The following EVX2 variants were observed in gnomAD, a reference collection of about 807,000 sequenced individuals.
The protein encoded by EVX2 is homeobox even-skipped homolog protein 2.
EVX2 carries 10 observed loss-of-function variants against 19.2 expected under a neutral mutation model. That is an observed-to-expected ratio of 0.52 (90% CI 0.32 to 0.89). EVX2 has a LOEUF of 0.89. Ranked by LOEUF, EVX2 falls within the 40% of genes least tolerant of loss-of-function variation. The pLI, the probability that EVX2 is intolerant of heterozygous loss-of-function variation, is 0.03. For synonymous variants in EVX2, 354 were observed against 328.4 expected (o/e 1.08, Z -0.84); for missense variants, 710 against 694.9 (o/e 1.02, Z -0.24).
Position 176,080,123 on chromosome 2 carries a change from G to A in EVX2, c.1415C>T (p.Ala472Val), listed in dbSNP as rs1183902169. 1 of 1,547,592 alleles carries A rather than the reference G, an allele frequency of 6.5e-7. No individual in the cohort carries two copies. The highest frequency in any genetic ancestry group is 1.9e-5 in the Admixed American group (1 of 52,676). The change falls in exon 3 of 3, where the codon GCT becomes GTT. Residue 472 changes from alanine to valine, a missense_variant. By Grantham distance (64) the Ala-to-Val change is moderately conservative. Coordinates refer to ENST00000308618, the MANE Select transcript of EVX2 (RefSeq NM_001080458.2). This position sits in a 1 kb window ranked among gnomAD's most constrained non-coding sequence, Gnocchi z 7.0. ...GCGACGTAGTTATCTGGTGAGCGGA[G>A]CCTCGTCCCTCTGGTCCGGCGGGCT... ...AVSPPDQRDE[A>V]PLTR is the part of the protein sequence containing the mutation.
chr2:176,080,244 C>A lies in EVX2; in HGVS notation c.1294G>T (p.Gly432Trp), dbSNP rs764652763. Residue 432 changes from glycine (G) to tryptophan (W), a missense_variant, in exon 3 of 3, where the codon GGG becomes TGG. Physicochemically the swap from Gly to Trp is radical, Grantham distance 184. Coordinates refer to ENST00000308618, the MANE Select transcript of EVX2 (RefSeq NM_001080458.2). This position sits in a 1 kb window ranked among gnomAD's most constrained non-coding sequence, Gnocchi z 7.0. ...GGGGGGGAGA[G>W]GGSDFGCSAA... ...CTGCAGCCGAAGTCCGAGCCTCCCC[C>A]GGCCCCGGCGCCCCCGCCGCCGCCG... 2 of 1,358,516 alleles carry A rather than the reference C, an allele frequency of 1.5e-6. No individual in the cohort carries two copies. The highest frequency in any genetic ancestry group is 3.0e-5 in the African/African-American group (2 of 65,768). 84.2% of individuals were successfully genotyped at this position (1,358,516 alleles called of 1,614,324 possible).
Position 176,080,434 on chromosome 2 carries a change from AGCCGCTGCGGCTGCCGCGGCT to A in EVX2, c.1083_1103del (p.Ala364_Ala370del), listed in dbSNP as rs1689125004. On this transcript the variant is annotated inframe_deletion, in exon 3 of 3. Transcript: ENST00000308618. This position sits in a 1 kb window ranked among gnomAD's most constrained non-coding sequence, Gnocchi z 7.0. ...CGGCCGCCGCCGCCGAGGAGGCCGC[AGCCGCTGCGGCTGCCGCGGCT>A]GCCGCGGCAGAGGCCGCGCTGTTGA... 2.7e-6 allele frequency: 3 copies of A among 1,116,732 alleles called. No individual in the cohort carries two copies. Among genetic ancestry groups the A allele is most frequent in the South Asian group, 8.3e-5 (2 of 24,102 alleles). 69.2% of individuals were successfully genotyped at this position (1,116,732 alleles called of 1,614,324 possible).
rs1200106255 is a variant in EVX2, at chr2:176,082,104, G to C, written c.699+74C>G. The C allele has an allele frequency of 1.2e-5, 17 of 1,436,870 alleles. No homozygotes were observed. Among genetic ancestry groups the C allele is most frequent in the Non-Finnish European group, 1.4e-5 (15 of 1,093,100 alleles). The allele number at this position is 1,436,870 out of a possible 1,614,324, so 89.0% of individuals were successfully genotyped here. A position where few individuals can be genotyped will look rare whatever the true frequency, so the allele number is the denominator to read the frequency against. On this transcript the variant is annotated intron_variant, in intron 2 of 2. Transcript: ENST00000308618. This position sits in a 1 kb window ranked among gnomAD's most constrained non-coding sequence, Gnocchi z 5.2. ...AGCTAAATCTAGCCACCCAGAAAGG[G>C]GAAAGGGGAAAAAGAAACAATCAAC...
chr2:176,082,962 C>T lies in EVX2; in HGVS notation c.427+388G>A, dbSNP rs975430273. On this transcript the variant is annotated intron_variant, in intron 1 of 2. Coordinates refer to ENST00000308618, the MANE Select transcript of EVX2 (RefSeq NM_001080458.2). This position sits in a 1 kb window ranked among gnomAD's most constrained non-coding sequence, Gnocchi z 5.2. Reference sequence around the variant, plus strand: ...TCCTCCGACTTACCCAGAAGAATGCCCCCTCCAGCCCTGAGGGCACAGGGG... The same window carrying T: ...TCCTCCGACTTACCCAGAAGAATGCTCCCTCCAGCCCTGAGGGCACAGGGG... Among the ~76,000 whole-genome samples, 2 of 152,230 alleles carry T rather than the reference C, an allele frequency of 1.3e-5. No individual in the cohort carries two copies. The highest frequency in any genetic ancestry group is 4.8e-5 in the African/African-American group (2 of 41,456).
In EVX2 at chr2:176,080,119, C is replaced by T. The variant is rs893719906; in HGVS notation, c.1419G>A (p.Pro473=). ...GGTGGCGACGTAGTTATCTGGTGAG[C>T]GGAGCCTCGTCCCTCTGGTCCGGCG... ...VSPPDQRDEA[P]LTR is the part of the protein sequence containing the mutation. The change falls in exon 3 of 3, where the codon CCG becomes CCA. Residue 473 remains proline (P), a synonymous_variant. Coordinates refer to ENST00000308618, the MANE Select transcript of EVX2 (RefSeq NM_001080458.2). This position sits in a 1 kb window ranked among gnomAD's most constrained non-coding sequence, Gnocchi z 7.0. 6.5e-7 allele frequency: 1 copy of T among 1,544,708 alleles called. No individual in the cohort carries two copies. The highest frequency in any genetic ancestry group is 1.2e-5 in the South Asian group (1 of 83,438).
chr2:176,081,449 C>T lies in EVX2; in HGVS notation c.700-611G>A, dbSNP rs72919088. On this transcript the variant is annotated intron_variant, in intron 2 of 2. Transcript: ENST00000308618. The surrounding 1 kb of genome is among the most constrained non-coding windows in gnomAD (Gnocchi z 5.9). ...AACACTATCTAATAAAGACATCATTCGTCACAACTCTAAATTAAAGAAAGC... is the reference window on the plus strand; with the variant it reads ...AACACTATCTAATAAAGACATCATTTGTCACAACTCTAAATTAAAGAAAGC... Among the ~76,000 whole-genome samples, 4,137 of 152,210 alleles carry T rather than the reference C, an allele frequency of 0.027. 81 individuals carry two copies. Among genetic ancestry groups the T allele is most frequent in the Non-Finnish European group, 0.041 (2,786 of 68,002 alleles).
In EVX2 at chr2:176,080,480, AGCCCCGCGGCGGCCGCGGGAGCCT is replaced by A. The variant is rs775900796; in HGVS notation, c.1034_1057del (p.Gln345_Gly352del). On this transcript the variant is annotated inframe_deletion, in exon 3 of 3. Coordinates refer to ENST00000308618, the MANE Select transcript of EVX2 (RefSeq NM_001080458.2). This position sits in a 1 kb window ranked among gnomAD's most constrained non-coding sequence, Gnocchi z 7.0. ...TGCCGCGGCAGAGGCCGCGCTGTTG[AGCCCCGCGGCGGCCGCGGGAGCCT>A]GGTAGAGACCAGGGTGGCGGAAGCT... 2 of 1,308,796 alleles carry A rather than the reference AGCCCCGCGGCGGCCGCGGGAGCCT, an allele frequency of 1.5e-6. No individual in the cohort carries two copies. The highest frequency in any genetic ancestry group is 1.9e-6 in the Non-Finnish European group (2 of 1,032,688). 81.1% of individuals were successfully genotyped at this position (1,308,796 alleles called of 1,614,324 possible).
At position 176,080,695 on chromosome 2, in the gene EVX2, G is replaced by C. The variant is rs1007453298; in HGVS notation, c.843C>G (p.His281Gln). 2.5e-6 allele frequency: 4 copies of C among 1,603,466 alleles called. No individual in the cohort carries two copies. The highest frequency in any genetic ancestry group is 2.5e-6 in the Non-Finnish European group (3 of 1,178,938). ...TGSLPYPFHS[H>Q]VPLHYYPHVG... Reference sequence around the variant, plus strand: ...CGTGCGGGTAGTAGTGCAGCGGCACGTGCGAGTGGAAGGGGTAGGGCAGGC... The same window carrying C: ...CGTGCGGGTAGTAGTGCAGCGGCACCTGCGAGTGGAAGGGGTAGGGCAGGC... Residue 281 changes from histidine (H) to glutamine (Q), a missense_variant, in exon 3 of 3, where the codon CAC (histidine) becomes CAG (glutamine). By Grantham distance (24) the His-to-Gln change is conservative (BLOSUM62 0). Coordinates refer to ENST00000308618, the MANE Select transcript of EVX2 (RefSeq NM_001080458.2). The surrounding 1 kb of genome is among the most constrained non-coding windows in gnomAD (Gnocchi z 7.0).
Position 176,082,379 on chromosome 2 carries a change from A to G in EVX2, c.498T>C (p.His166=), listed in dbSNP as rs779459946. 2 of 1,603,548 alleles carry G rather than the reference A, an allele frequency of 1.2e-6. No homozygotes were observed. The highest frequency in any genetic ancestry group is 1.7e-6 in the Non-Finnish European group (2 of 1,178,052). The change falls in exon 2 of 3, where the codon CAT becomes CAC. Residue 166 remains histidine, a synonymous_variant. Transcript: ENST00000308618. The surrounding 1 kb of genome is among the most constrained non-coding windows in gnomAD (Gnocchi z 5.2). The part of the protein sequence containing the change: ...SASGSGLGSL[H]GGSGGSGGSA... ...TCCCGCCGCTGCCTCCGCTGCCTCC[A>G]TGCAGGCTTCCGAGGCCTGAGCCCG... is the stretch of plus-strand genomic sequence containing the variant.
chr2:176,082,102 G>A lies in EVX2; in HGVS notation c.699+76C>T. The stretch of plus-strand genomic sequence containing the variant: ...TTAGCTAAATCTAGCCACCCAGAAA[G>A]GGGAAAGGGGAAAAAGAAACAATCA... On this transcript the variant is annotated intron_variant, in intron 2 of 2. Coordinates refer to ENST00000308618, the MANE Select transcript of EVX2 (RefSeq NM_001080458.2). The surrounding 1 kb of genome is among the most constrained non-coding windows in gnomAD (Gnocchi z 5.2). The A allele has an allele frequency of 7.0e-7, 1 of 1,432,738 alleles. No individual in the cohort carries two copies. The highest frequency in any genetic ancestry group is 9.2e-7 in the Non-Finnish European group (1 of 1,090,160). The allele number at this position is 1,432,738 out of a possible 1,614,324, so 88.8% of individuals were successfully genotyped here.
Position 176,080,644 on chromosome 2 carries a change from C to G in EVX2, c.894G>C (p.Ala298=). The change falls in exon 3 of 3, where the codon GCG becomes GCC. Residue 298 remains alanine, a synonymous_variant. Transcript: ENST00000308618. This position sits in a 1 kb window ranked among gnomAD's most constrained non-coding sequence, Gnocchi z 7.0. Reference sequence around the variant, plus strand: ...CGGCCGCCGCGCCTGAGGCTGCAGCCGCGGCCGCCGCCGCCGTGACGCCCA... The same window carrying G: ...CGGCCGCCGCGCCTGAGGCTGCAGCGGCGGCCGCCGCCGCCGTGACGCCCA... ...PHVGVTAAAA[A]AAASGAAAAA... 1.9e-6 allele frequency: 3 copies of G among 1,560,948 alleles called. No homozygotes were observed. The highest frequency in any genetic ancestry group is 2.6e-6 in the Non-Finnish European group (3 of 1,161,974).
rs1268555146 is a variant in EVX2 at position 176,078,422 on chromosome 2, A to T, written c.*1685T>A. On this transcript the variant is annotated 3_prime_UTR_variant, in exon 3 of 3. Coordinates refer to ENST00000308618, the MANE Select transcript of EVX2 (RefSeq NM_001080458.2). ...CACTAGCAAGTTATTTTAGGGCTTCAACTCTTCAGAAAATCTCATTATGTG... is the reference window on the plus strand; with the variant it reads ...CACTAGCAAGTTATTTTAGGGCTTCTACTCTTCAGAAAATCTCATTATGTG... 2.6e-5 allele frequency: 4 copies of T among 152,186 alleles called. No individual in the cohort carries two copies. The highest frequency in any genetic ancestry group is 5.9e-5 in the Non-Finnish European group (4 of 68,046). The allele number at this position is 152,186 out of a possible 1,614,324, so 9.4% of individuals were successfully genotyped here.
At position 176,083,938 on chromosome 2, in the gene EVX2, C is replaced by A; in HGVS notation, c.-162G>T. 1.6e-6 allele frequency: 1 copy of A among 640,904 alleles called. No homozygotes were observed. The highest frequency in any genetic ancestry group is 2.9e-5 in the Admixed American group (1 of 34,208). The allele number at this position is 640,904 out of a possible 1,614,324, so 39.7% of individuals were successfully genotyped here. On this transcript the variant is annotated 5_prime_UTR_variant, in exon 1 of 3. Transcript: ENST00000308618. This position sits in a 1 kb window ranked among gnomAD's most constrained non-coding sequence, Gnocchi z 4.4. ...GTGGGATGCCAGAGCGAGGGAATGA[C>A]TGGTCAAAATGACCCATACATCCTT...
In EVX2 at chr2:176,079,133, C is replaced by A. The variant is rs897230731; in HGVS notation, c.*974G>T. 1 of 152,216 alleles carries A rather than the reference C, an allele frequency of 6.6e-6. No individual in the cohort carries two copies. Among genetic ancestry groups the A allele is most frequent in the Non-Finnish European group, 1.5e-5 (1 of 68,088 alleles). 9.4% of individuals were successfully genotyped at this position (152,216 alleles called of 1,614,324 possible). On this transcript the variant is annotated 3_prime_UTR_variant, in exon 3 of 3. Coordinates refer to ENST00000308618, the MANE Select transcript of EVX2 (RefSeq NM_001080458.2). This position sits in a 1 kb window ranked among gnomAD's most constrained non-coding sequence, Gnocchi z 4.4. ...GATAATATTAATATATCTAGAGATT[C>A]AAGTATTTCCCAGATCGAGTGGAAC...
In EVX2 at chr2:176,080,726, G is replaced by T. The variant is rs1176340814; in HGVS notation, c.812C>A (p.Thr271Asn). 1 of 1,607,874 alleles carries T rather than the reference G, an allele frequency of 6.2e-7. No homozygotes were observed. Among genetic ancestry groups the T allele is most frequent in the Non-Finnish European group, 8.5e-7 (1 of 1,179,678 alleles). The part of the protein sequence containing the change: ...YTYMMTHAAA[T>N]GSLPYPFHSH... ...GTGGAAGGGGTAGGGCAGGCTTCCGGTGGCGGCCGCGTGCGTCATCATGTA... is the reference window on the plus strand; with the variant it reads ...GTGGAAGGGGTAGGGCAGGCTTCCGTTGGCGGCCGCGTGCGTCATCATGTA... Residue 271 changes from threonine to asparagine, a missense_variant, in exon 3 of 3, where the codon ACC becomes AAC. Coordinates refer to ENST00000308618, the MANE Select transcript of EVX2 (RefSeq NM_001080458.2). This position sits in a 1 kb window ranked among gnomAD's most constrained non-coding sequence, Gnocchi z 7.0.
chr2:176,083,616 G>C lies in EVX2; in HGVS notation c.161C>G (p.Pro54Arg), dbSNP rs769448659. 2 of 1,614,196 alleles carry C rather than the reference G, an allele frequency of 1.2e-6. No individual in the cohort carries two copies. The highest frequency in any genetic ancestry group is 1.1e-5 in the South Asian group (1 of 91,088). Residue 54 changes from proline (P) to arginine (R), a missense_variant, in exon 1 of 3, where the codon CCG (proline) becomes CGG (arginine). Physicochemically the swap from Pro to Arg is moderately radical, Grantham distance 103. Transcript: ENST00000308618. The surrounding 1 kb of genome is among the most constrained non-coding windows in gnomAD (Gnocchi z 4.4). Reference sequence around the variant, plus strand: ...CAGAGCGCTGTGCAGGGGGGCAGACGGCAGGCGCGGGCTTAGGCGAGCCGG... The same window carrying C: ...CAGAGCGCTGTGCAGGGGGGCAGACCGCAGGCGCGGGCTTAGGCGAGCCGG... ...QHPARLSPRL[P>R]SAPLHSALGE... is the part of the protein sequence containing the mutation.
In EVX2 at chr2:176,080,924, C is replaced by T. The variant is rs549373633; in HGVS notation, c.700-86G>A. ...CCCAGGACCTCTGCCCCTTCCGGAC[C>T]TCTGAATGGCTTGGTCTACTTCTCT... On this transcript the variant is annotated intron_variant, in intron 2 of 2. Transcript: ENST00000308618. The surrounding 1 kb of genome is among the most constrained non-coding windows in gnomAD (Gnocchi z 7.0). 52 of 1,463,130 alleles carry T rather than the reference C, an allele frequency of 3.6e-5. No individual in the cohort carries two copies. The South Asian group carries it at 6.7e-4, about 19-fold the overall frequency. The allele number at this position is 1,463,130 out of a possible 1,614,324, so 90.6% of individuals were successfully genotyped here.
Position 176,082,573 on chromosome 2 carries a change from G to C in EVX2, c.428-124C>G. The C allele has an allele frequency of 1.8e-6, 2 of 1,118,560 alleles. No individual in the cohort carries two copies. Among genetic ancestry groups the C allele is most frequent in the Admixed American group, 3.4e-5 (1 of 29,758 alleles). 69.3% of individuals were successfully genotyped at this position (1,118,560 alleles called of 1,614,324 possible). On this transcript the variant is annotated intron_variant, in intron 1 of 2. Coordinates refer to ENST00000308618, the MANE Select transcript of EVX2 (RefSeq NM_001080458.2). The surrounding 1 kb of genome is among the most constrained non-coding windows in gnomAD (Gnocchi z 5.2). ...GTCGCTGCCGGAATTGATGGGGTCT[G>C]TCATGCTTACAAATTGCTGCCGTTA... is the stretch of plus-strand genomic sequence containing the variant.
Position 176,082,543 on chromosome 2 carries a change from G to A in EVX2, c.428-94C>T. ...CGGATCGGGGAAGCCCCGTCAGGAA[G>A]GAGAGTCGCTGCCGGAATTGATGGG... is the stretch of plus-strand genomic sequence containing the variant. On this transcript the variant is annotated intron_variant, in intron 1 of 2. Transcript: ENST00000308618. The surrounding 1 kb of genome is among the most constrained non-coding windows in gnomAD (Gnocchi z 5.2). 2 of 1,417,032 alleles carry A rather than the reference G, an allele frequency of 1.4e-6. No homozygotes were observed. Among genetic ancestry groups the A allele is most frequent in the Non-Finnish European group, 1.9e-6 (2 of 1,070,074 alleles). The allele number at this position is 1,417,032 out of a possible 1,614,324, so 87.8% of individuals were successfully genotyped here. A position where few individuals can be genotyped will look rare whatever the true frequency, so the allele number is the denominator to read the frequency against.
Sources: allele counts gnomAD v4.1 joint callset (sites outside exome capture counted in the v4.1 genomes callset), GRCh38; gene constraint gnomAD v4.1.1; non-coding constraint Gnocchi (gnomAD v3.1); transcripts MANE v1.5; gene names NCBI Gene and HGNC (gene_info 2026-07-23, HGNC 2026-07-21).